ABR: variants seen among roughly 807,000 people sequenced by gnomAD.
ABR encodes the protein ABR activator of RhoGEF and GTPase, also known as active breakpoint cluster region-related protein.
In ABR, 35 loss-of-function variants were observed where a neutral mutation model predicts 107.2. That is an observed-to-expected ratio of 0.33 (90% CI 0.25 to 0.43). The LOEUF is 0.43. ABR is among the 20% of genes least tolerant of loss of function. The pLI, the probability that ABR is intolerant of heterozygous loss-of-function variation, is 1.00. For missense variants in ABR, 815 were observed against 1,115.2 expected (o/e 0.73, Z 3.83); for synonymous variants, 498 against 462.0 (o/e 1.08, Z -1.00).
Position 1,157,700 on chromosome 17 carries a change from C to G in ABR, c.61+21967G>C, listed in dbSNP as rs918962190. Among the ~76,000 whole-genome samples the G allele has an allele frequency of 6.6e-6, 1 of 152,186 alleles. No individual in the cohort carries two copies. Among genetic ancestry groups the G allele is most frequent in the Admixed American group, 6.5e-5 (1 of 15,286 alleles). Reference sequence around the variant, plus strand: ...ATCCCGGCAGATGAAGGAAAGGAACCGGCAGGCACACCGCTCTCACGCCAA... The same window carrying G: ...ATCCCGGCAGATGAAGGAAAGGAACGGGCAGGCACACCGCTCTCACGCCAA... On this transcript the variant is annotated intron_variant, in intron 1 of 22. Coordinates refer to ENST00000302538, the MANE Select transcript of ABR (RefSeq NM_021962.5). The surrounding 1 kb of genome is among the most constrained non-coding windows in gnomAD (Gnocchi z 4.7).
upstream of ABR, among the ~76,000 whole-genome samples, chr17:1,192,261 G>T (rs1281631063): frequency 6.6e-6 from 1 of 152,106 alleles, no homozygotes; most frequent in African/African-American, 2.4e-5. Context: ...ACAGGCATGA[G>T]CCACGGCGCC....
chr17:1,006,085 C>G lies in ABR; in HGVS notation c.2575G>C (p.Val859Leu). Residue 859 changes from valine to leucine, a missense_variant, in exon 23 of 23, where the codon GTG becomes CTG. This residue lies in a region of ABR where 34 missense variants were observed against 26.8 expected (regional missense o/e 1.27). Coordinates refer to ENST00000302538, the MANE Select transcript of ABR (RefSeq NM_021962.5). ...KRNTLYFSTD[V>L] ...CGCAGCCACCCTGCCTCGGGCTACA[C>G]GTCGGTGGAGAAGTACAGTGTGTTC... 1.3e-6 allele frequency: 2 copies of G among 1,567,222 alleles called. No individual in the cohort carries two copies. The highest frequency in any genetic ancestry group is 1.7e-6 in the Non-Finnish European group (2 of 1,155,698).
At chr17:1,012,652 C>T (rs773585575) in intron 18 of ABR, 36 bp downstream of exon 18, 46 of 1,513,426 alleles carry the variant, frequency 3.0e-5, no homozygotes, top group Non-Finnish European at 3.5e-5. Flanking sequence ...CCCGGGGCAC[C>T]GACGCCAGGA....
chr17:1,185,653 A>AT (rs2042265775), intron 1 of ABR, among the ~76,000 whole-genome samples: 2 of 136,430 alleles, frequency 1.5e-5, no homozygotes, highest in Non-Finnish European at 3.1e-5. Flanking sequence ...TCAGAAAGAA[A>AT]TAAAAAAAAA....
At chr17:1,086,370 C>T (rs1187645474) in intron 4 of ABR, among the ~76,000 whole-genome samples, 1 of 152,150 alleles carries the variant, frequency 6.6e-6, no homozygotes, top group Non-Finnish European at 1.5e-5. Context: ...CATGGATGCA[C>T]CCGATTTACA....
intron 12 of ABR, among the ~76,000 whole-genome samples, chr17:1,057,386 G>A (rs1364753484): frequency 1.4e-5 from 2 of 138,328 alleles, no homozygotes; most frequent in African/African-American, 5.3e-5. Flanking sequence ...TTTTGTTTTC[G>A]TTTTTTTTTT....
intron 1 of ABR, among the ~76,000 whole-genome samples, chr17:1,171,132 G>A (rs2041696417): frequency 1.3e-5 from 2 of 152,212 alleles, no homozygotes; most frequent in South Asian, 2.1e-4. Context: ...CCGAGGTAAC[G>A]CGAACGGGGT....
At chr17:1,180,895 AAGGACAGG>A (rs1205205252), upstream of ABR, among the ~76,000 whole-genome samples, 1 of 152,172 alleles carries the variant, frequency 6.6e-6, no homozygotes, top group East Asian at 1.9e-4. Flanking sequence ...TGGAGCAGGG[AAGGACAGG>A]AGGGGAGTCA....
chr17:1,203,571 T>C (rs1167959427), intron 1 of ABR, among the ~76,000 whole-genome samples: 1 of 152,042 alleles, frequency 6.6e-6, no homozygotes, highest in African/African-American at 2.4e-5. Flanking sequence ...GGCTGCCTAG[T>C]CCTCCAGGCG....
chr17:1,209,224 G>A (rs1200192512), intron 1 of ABR, among the ~76,000 whole-genome samples: 9 of 152,078 alleles, frequency 5.9e-5, no homozygotes, highest in African/African-American at 1.9e-4. Context: ...CTCTGCAGCT[G>A]CGTTGAAGTG....
chr17:1,064,364 ACTG>A (rs758341194), intron 10 of ABR, among the ~76,000 whole-genome samples: 8 of 15,954 alleles, frequency 5.0e-4, no homozygotes, highest in Admixed American at 6.4e-4. Context: ...TCCTCTAGAC[ACTG>A]CTGTTATGTG....
chr17:1,222,498 G>A (rs896034232), intron 1 of ABR, among the ~76,000 whole-genome samples: 1 of 152,178 alleles, frequency 6.6e-6, no homozygotes, highest in Non-Finnish European at 1.5e-5. Context: ...ATTCTTCCTA[G>A]AGCAACAATC....
chr17:1,053,774 T>C (rs553863063), intron 14 of ABR, among the ~76,000 whole-genome samples: 1 of 152,228 alleles, frequency 6.6e-6, no homozygotes, highest in Non-Finnish European at 1.5e-5. Context: ...GTCGGCTCCC[T>C]GAGGCGAGGA....
intron 16 of ABR, among the ~76,000 whole-genome samples, chr17:1,023,148 C>G (rs12946684): frequency 2.0e-3 from 273 of 137,610 alleles, no homozygotes; most frequent in African/African-American, 8.8e-3. Context: ...CACGTCCACT[C>G]CAGCGCCTCT....
In ABR at chr17:1,054,443, G is replaced by A. The variant is rs1184216109; in HGVS notation, c.1561+1592C>T. Among the ~76,000 whole-genome samples, 4 of 152,134 alleles carry A rather than the reference G, an allele frequency of 2.6e-5. No individual in the cohort carries two copies. In the East Asian group the frequency reaches 7.7e-4, roughly 29 times the overall value. On this transcript the variant is annotated intron_variant, in intron 14 of 22. Coordinates refer to ENST00000302538, the MANE Select transcript of ABR (RefSeq NM_021962.5). Reference sequence around the variant, plus strand: ...ACAGGTGCCATAACCAGCTTGCCCTGAGCAGGATGGGGGCACAAGGAACCT... The same window carrying A: ...ACAGGTGCCATAACCAGCTTGCCCTAAGCAGGATGGGGGCACAAGGAACCT...
At chr17:1,225,064 G>C (rs113916687) in intron 1 of ABR, among the ~76,000 whole-genome samples, 14,934 of 150,592 alleles carry the variant, frequency 0.099, 2,009 homozygotes, top group African/African-American at 0.3. Context: ...CAGGAGAATG[G>C]TGTGAACCCA....
chr17:1,028,329 C>A (rs1203026042), intron 16 of ABR, among the ~76,000 whole-genome samples: 1 of 151,742 alleles, frequency 6.6e-6, no homozygotes, highest in Non-Finnish European at 1.5e-5. Flanking sequence ...GAACGCCTGA[C>A]CTCAGGTGAT....
At chr17:1,058,129 C>T in intron 11 of ABR, 84 bp from the exon 12 acceptor site, 6 of 593,610 alleles carry the variant, frequency 1.0e-5, no homozygotes, top group South Asian at 3.7e-5. Flanking sequence ...AACAAAGCTC[C>T]TTTTATCTTT....
intron 1 of ABR, among the ~76,000 whole-genome samples, chr17:1,173,296 A>C (rs2041807599): frequency 8.7e-6 from 1 of 114,946 alleles, no homozygotes; most frequent in Non-Finnish European, 1.9e-5. Context: ...CCAACACATC[A>C]CCTCAGTCCA....
Sources: allele counts gnomAD v4.1 joint callset (sites outside exome capture counted in the v4.1 genomes callset), GRCh38; gene constraint gnomAD v4.1.1; regional missense constraint gnomAD v4.1.1; non-coding constraint Gnocchi (gnomAD v3.1); transcripts MANE v1.5; gene names NCBI Gene and HGNC (gene_info 2026-07-23, HGNC 2026-07-21).